The following STK3 variants were observed in gnomAD, a reference collection of about 807,000 sequenced individuals.
STK3 encodes the protein serine/threonine kinase 3.
STK3 carries 41 observed loss-of-function variants against 58.0 expected under a neutral mutation model. That is an observed-to-expected ratio of 0.71 (90% confidence interval 0.55 to 0.92). The LOEUF (loss-of-function observed/expected upper bound fraction) is 0.92, where lower values mean the gene tolerates loss of function less well. Among genes scored for constraint, STK3 ranks in the 40% least tolerant of loss-of-function variants. The pLI is 0.00. For missense variants in STK3, 479 were observed against 602.7 expected, an observed-to-expected ratio of 0.79 and a Z score of 2.15; for synonymous variants, 170 against 191.0, an observed-to-expected ratio of 0.89 and a Z score of 0.91.
At chr8:98,681,229 C>G (rs945464074) in intron 6 of STK3, among the ~76,000 whole-genome samples, 5 of 152,008 alleles carry the variant, frequency 3.3e-5, no homozygotes. Context: ...GAACTCCTGA[C>G]CTTGTGATCC....
At chr8:98,445,769 T>A (rs1438441630) in intron 1 of STK3, among the ~76,000 whole-genome samples, 1 of 152,204 alleles carries the variant, frequency 6.6e-6, no homozygotes, top group East Asian at 1.9e-4. Context: ...ACTCTCTACC[T>A]ACCTCTCTCT....
At chr8:98,876,139 A>G (rs1159534713) in intron 3 of STK3, among the ~76,000 whole-genome samples, 1 of 152,188 alleles carries the variant, frequency 6.6e-6, no homozygotes, top group Non-Finnish European at 1.5e-5. Context: ...CTTCTGGGGT[A>G]CAACATGGGA....
chr8:98,706,364 A>C, intron 6 of STK3, 103 bp downstream of exon 6: 1 of 1,176,006 alleles, frequency 8.5e-7, no homozygotes. Context: ...TAAAAAGAAT[A>C]CATTTAAATG....
chr8:98,744,239 C>T (rs1829471406), intron 4 of STK3, among the ~76,000 whole-genome samples: 1 of 152,004 alleles, frequency 6.6e-6, no homozygotes, highest in East Asian at 1.9e-4. Context: ...GGGTATATAC[C>T]CAAAGGACTA....
chr8:98,911,655 A>G (rs766873135), intron 1 of STK3, among the ~76,000 whole-genome samples: 2 of 152,072 alleles, frequency 1.3e-5, no homozygotes, highest in Non-Finnish European at 2.9e-5. Flanking sequence ...CGGCCTCCCA[A>G]AGTGCTGGGA....
intron 8 of STK3, among the ~76,000 whole-genome samples, chr8:98,571,619 T>C (rs1304589487): frequency 2.0e-5 from 3 of 152,184 alleles, no homozygotes; most frequent in African/African-American, 7.2e-5. Context: ...AAAGTCCTCA[T>C]TTCTTTTCCA....
At chr8:98,505,405 GT>G (rs1335897824) in intron 10 of STK3, among the ~76,000 whole-genome samples, 5 of 152,160 alleles carry the variant, frequency 3.3e-5, no homozygotes, top group African/African-American at 1.2e-4. Context: ...GCTCATCAAA[GT>G]CATTCTCTGT....
intron 1 of STK3, among the ~76,000 whole-genome samples, chr8:98,824,279 C>T: frequency 6.6e-6 from 1 of 152,168 alleles, no homozygotes; most frequent in East Asian, 1.9e-4. Context: ...CTACACCTGC[C>T]CCTGACTCCT....
At chr8:98,715,806 C>T (rs1023266798) in intron 4 of STK3, among the ~76,000 whole-genome samples, 31 of 152,190 alleles carry the variant, frequency 2.0e-4, no homozygotes, top group Admixed American at 3.9e-4. Flanking sequence ...GATTATAAAA[C>T]ATACTGCTAT....
chr8:98,903,647 C>T (rs1838772044), intron 1 of STK3, among the ~76,000 whole-genome samples: 1 of 151,392 alleles, frequency 6.6e-6, no homozygotes, highest in Non-Finnish European at 1.5e-5. Flanking sequence ...TCAAGTGATC[C>T]TCTAGCCTCA....
At chr8:98,467,695 T>C (rs1820590338) in intron 10 of STK3, among the ~76,000 whole-genome samples, 1 of 152,138 alleles carries the variant, frequency 6.6e-6, no homozygotes, top group Non-Finnish European at 1.5e-5. Flanking sequence ...CTCCACTACA[T>C]GTTTATTCTG....
rs1819401112 is a variant in STK3, at chr8:98,633,442, G to A, written c.685-37273C>T. On this transcript the variant is annotated intron_variant, in intron 6 of 10. Transcript: ENST00000419617. The stretch of plus-strand genomic sequence containing the variant: ...TTACTTTAGAGAGGAGATTGAGACT[G>A]CAGATTATTAAATCAGTTGGTACTG... The A allele has an allele frequency of 7.8e-6, 4 of 510,126 alleles. No homozygotes were observed. The East Asian group carries it at 1.3e-4, about 17-fold the overall frequency. 31.6% of individuals were successfully genotyped at this position (510,126 alleles called of 1,614,324 possible). A position where few individuals can be genotyped will look rare whatever the true frequency, so the allele number is the denominator to read the frequency against.
chr8:98,803,004 GAAC>G (rs1833658156), intron 1 of STK3, among the ~76,000 whole-genome samples: 1 of 152,146 alleles, frequency 6.6e-6, no homozygotes, highest in South Asian at 2.1e-4. Context: ...AACATAATAA[GAAC>G]AATACATACT....
intron 3 of STK3, among the ~76,000 whole-genome samples, chr8:98,761,939 G>A (rs995951489): frequency 6.6e-6 from 1 of 152,150 alleles, no homozygotes; most frequent in South Asian, 2.1e-4. Flanking sequence ...TAGAAGCCAA[G>A]GGGTGCTCAG....
chr8:98,731,809 T>C (rs1472553913), intron 4 of STK3, among the ~76,000 whole-genome samples: 1 of 152,070 alleles, frequency 6.6e-6, no homozygotes, highest in Non-Finnish European at 1.5e-5. Context: ...ACCCTAATAT[T>C]ATGCCTGTCA....
chr8:98,914,461 T>TAG (rs1839264647), intron 1 of STK3, among the ~76,000 whole-genome samples: 1 of 143,512 alleles, frequency 7.0e-6, no homozygotes, highest in African/African-American at 2.5e-5. Context: ...AGCACATGCC[T>TAG]ACACACACAC....
intron 2 of STK3, among the ~76,000 whole-genome samples, chr8:98,377,980 T>C (rs6987458): frequency 0.58 from 88,239 of 152,014 alleles, 27,074 homozygotes; most frequent in Non-Finnish European, 0.69. Flanking sequence ...GCTCTGCCCC[T>C]ACCTGCCAGG....
intron 6 of STK3, among the ~76,000 whole-genome samples, chr8:98,652,213 T>C (rs2130716239): frequency 6.6e-6 from 1 of 152,298 alleles, no homozygotes; most frequent in East Asian, 1.9e-4. Flanking sequence ...AAACCAGAAT[T>C]TCATATCCAG....
intron 1 of STK3, among the ~76,000 whole-genome samples, chr8:98,382,508 G>A (rs1375954933): frequency 6.6e-6 from 1 of 152,152 alleles, no homozygotes; most frequent in East Asian, 1.9e-4. Context: ...CTCTCAGGCT[G>A]TCTCCTCCAG....
Sources: allele counts gnomAD v4.1 joint callset (sites outside exome capture counted in the v4.1 genomes callset), GRCh38; gene constraint gnomAD v4.1.1; transcripts MANE v1.5; gene names NCBI Gene and HGNC (gene_info 2026-07-23, HGNC 2026-07-21).